Variants in LRRC40 observed in about 807,000 individuals in gnomAD.
The protein encoded by LRRC40 is leucine rich repeat containing 40.
In LRRC40, 76 loss-of-function variants were observed where a neutral mutation model predicts 72.8. That is an observed-to-expected ratio of 1.04 (90% confidence interval 0.87 to 1.26). The LOEUF is 1.26. Ranked by LOEUF, LRRC40 falls within the 50% of genes most tolerant of loss-of-function variation. LRRC40 has a pLI of 0.00. For synonymous variants in LRRC40, 243 were observed against 254.2 expected, an observed-to-expected ratio of 0.96 and a Z score of 0.42; for missense variants, 684 against 698.9, an observed-to-expected ratio of 0.98 and a Z score of 0.24.
At chr1:70,175,748 T>G in intron 7 of LRRC40, 62 bp downstream of exon 7, 1 of 1,224,576 alleles carries the variant, frequency 8.2e-7, no homozygotes, top group Non-Finnish European at 1.1e-6. Context: ...AACAAATATT[T>G]CAAATTATGA....
At chr1:70,179,046 T>C (rs1668182534) in intron 5 of LRRC40, 53 bp from the exon 6 acceptor site, 6 of 1,167,524 alleles carry the variant, frequency 5.1e-6, no homozygotes, top group Non-Finnish European at 7.1e-6. Context: ...AATTAGTTTC[T>C]GATCGTATAC....
At chr1:70,184,044 T>C (rs1420238323) in intron 4 of LRRC40, among the ~76,000 whole-genome samples, 1 of 150,314 alleles carries the variant, frequency 6.7e-6, no homozygotes, top group East Asian at 2.0e-4. Flanking sequence ...AGGTCAGGAG[T>C]TCAAGATCAG....
At chr1:70,147,702 A>T (rs1373508525) in intron 14 of LRRC40, among the ~76,000 whole-genome samples, 1 of 152,190 alleles carries the variant, frequency 6.6e-6, no homozygotes, top group African/African-American at 2.4e-5. Flanking sequence ...ACTTACTAAC[A>T]TGAGGTACTA....
chr1:70,190,676 C>CAAAAAAAAAAAAAAAAAAA (rs1483272385), intron 1 of LRRC40, among the ~76,000 whole-genome samples: 1 of 18,148 alleles, frequency 5.5e-5, no homozygotes, highest in African/African-American at 7.8e-4. Flanking sequence ...GACCCTGTCT[C>CAAAAAAAAAAAAAAAAAAA]TAAAAAAAAA....
chr1:70,155,652 G>T, intron 11 of LRRC40, 37 bp downstream of exon 11: 1 of 910,832 alleles, frequency 1.1e-6, no homozygotes, highest in South Asian at 2.7e-5. Context: ...ACAACAGAAT[G>T]AGTCACAACC....
intron 3 of LRRC40, among the ~76,000 whole-genome samples, chr1:70,186,651 T>C (rs1054469459): frequency 6.6e-6 from 1 of 152,138 alleles, no homozygotes; most frequent in Non-Finnish European, 1.5e-5. Flanking sequence ...CCTCTTTAAA[T>C]CTCCTTTCCC....
intron 11 of LRRC40, among the ~76,000 whole-genome samples, chr1:70,154,201 G>C (rs923544722): frequency 6.6e-6 from 1 of 152,118 alleles, no homozygotes; most frequent in African/African-American, 2.4e-5. Context: ...AAAAGGGAAA[G>C]TGGTTTGGGA....
rs368294951 is a variant in LRRC40 at position 70,197,951 on chromosome 1, G to A, written c.151+7439C>T. Among the ~76,000 whole-genome samples, 35 of 152,014 alleles carry A rather than the reference G, an allele frequency of 2.3e-4. No individual in the cohort carries two copies. The East Asian group carries it at 4.7e-3, about 20-fold the overall frequency. On this transcript the variant is annotated intron_variant, in intron 1 of 14. Coordinates refer to ENST00000370952, the MANE Select transcript of LRRC40 (RefSeq NM_017768.5). ...AAATTTTTGTATTTTTAGTAGAGAC[G>A]AAGTTTTGCCTTGTTGCCCAGACTG...
At chr1:70,165,199 A>G (rs1468369543) in intron 9 of LRRC40, among the ~76,000 whole-genome samples, 2 of 152,256 alleles carry the variant, frequency 1.3e-5, no homozygotes, top group South Asian at 4.1e-4. Context: ...TTTCAGAGTT[A>G]TATTTGTAGG....
intron 2 of LRRC40, among the ~76,000 whole-genome samples, chr1:70,188,079 G>A (rs767358816): frequency 1.3e-5 from 2 of 152,126 alleles, no homozygotes; most frequent in Non-Finnish European, 2.9e-5. Flanking sequence ...CTTTTCTCAT[G>A]TTCTCACAGA....
intron 9 of LRRC40, among the ~76,000 whole-genome samples, chr1:70,170,454 T>A (rs1314461397): frequency 6.6e-6 from 1 of 152,140 alleles, no homozygotes; most frequent in Non-Finnish European, 1.5e-5. Flanking sequence ...CTATCTCTAT[T>A]TGCAAACAAC....
chr1:70,205,527 T>G lies in LRRC40; in HGVS notation c.14A>C (p.Lys5Thr), dbSNP rs773500674. The G allele has an allele frequency of 1.3e-5, 20 of 1,596,590 alleles. No homozygotes were observed. Among genetic ancestry groups the G allele is most frequent in the Non-Finnish European group, 1.7e-5 (20 of 1,166,692 alleles). The part of the protein sequence containing the change: MSRL[K>T]RIAGQDLRAG... ...GCGGAGATCCTGCCCCGCTATCCGC[T>G]TCAGGCGCGACATGTTCAAAGTCCT... Residue 5 changes from lysine (K) to threonine (T), a missense_variant, in exon 1 of 15, where the codon AAG becomes ACG. By Grantham distance (78) the Lys-to-Thr change is moderately conservative. Coordinates refer to ENST00000370952, the MANE Select transcript of LRRC40 (RefSeq NM_017768.5).
intron 1 of LRRC40, among the ~76,000 whole-genome samples, chr1:70,192,752 G>T (rs2100339004): frequency 6.6e-6 from 1 of 152,230 alleles, no homozygotes; most frequent in African/African-American, 2.4e-5. Flanking sequence ...ATAAGTGGGA[G>T]CTAAATGATG....
Position 70,175,859 on chromosome 1 carries a change from G to C in LRRC40, c.928C>G (p.Leu310Val). The C allele has an allele frequency of 6.3e-7, 1 of 1,591,996 alleles. No homozygotes were observed. Among genetic ancestry groups the C allele is most frequent in the East Asian group, 2.3e-5 (1 of 43,088 alleles). ...KLKSVPDEII[L>V]LRSLERLDLS... ...TCAAGCCTTTCCAAGGACCGTAGTAGTATAATTTCATCTGGAACAGATTTT... is the reference window on the plus strand; with the variant it reads ...TCAAGCCTTTCCAAGGACCGTAGTACTATAATTTCATCTGGAACAGATTTT... The change falls in exon 7 of 15, where the codon CTA becomes GTA. Residue 310 changes from leucine (L) to valine (V), a missense_variant. Transcript: ENST00000370952.
At position 70,147,571 on chromosome 1, in the gene LRRC40, C is replaced by A. The variant is rs116291304; in HGVS notation, c.1703+916G>T. Among the ~76,000 whole-genome samples, 4 of 152,174 alleles carry A rather than the reference C, an allele frequency of 2.6e-5. No individual in the cohort carries two copies. The South Asian group carries it at 6.2e-4, about 24-fold the overall frequency. Reference sequence around the variant, plus strand: ...TGTTGTGACTAGACTCTTGCAAGAACCTAACCCCTGTATTTCCCCCAGAAG... The same window carrying A: ...TGTTGTGACTAGACTCTTGCAAGAAACTAACCCCTGTATTTCCCCCAGAAG... On this transcript the variant is annotated intron_variant, in intron 14 of 14. Coordinates refer to ENST00000370952, the MANE Select transcript of LRRC40 (RefSeq NM_017768.5).
intron 9 of LRRC40, among the ~76,000 whole-genome samples, chr1:70,168,736 T>C (rs1404642273): frequency 6.6e-6 from 1 of 152,184 alleles, no homozygotes; most frequent in East Asian, 1.9e-4. Context: ...TCTATAACAG[T>C]ATCAGGCAAA....
Position 70,189,257 on chromosome 1 carries a change from C to T in LRRC40, c.168G>A (p.Trp56Ter). The T allele has an allele frequency of 6.2e-7, 1 of 1,607,782 alleles. No homozygotes were observed. Among genetic ancestry groups the T allele is most frequent in the African/African-American group, 1.4e-5 (1 of 73,810 alleles). ...RNLSEVPQCV[W>*]RINVDIPEEA... Reference sequence around the variant, plus strand: ...CCTCAGGGATATCCACATTTATTCTCCAGACACACTGCGGCACTAGTTCCA... The same window carrying T: ...CCTCAGGGATATCCACATTTATTCTTCAGACACACTGCGGCACTAGTTCCA... The change falls in exon 2 of 15, where the codon TGG becomes TGA. Residue 56 changes from tryptophan to a stop codon, truncating the protein, a stop_gained. Coordinates refer to ENST00000370952, the MANE Select transcript of LRRC40 (RefSeq NM_017768.5). LOFTEE classifies it high-confidence loss of function.
At chr1:70,177,953 A>G (rs950691202) in intron 6 of LRRC40, among the ~76,000 whole-genome samples, 8 of 152,202 alleles carry the variant, frequency 5.3e-5, no homozygotes, top group African/African-American at 1.9e-4. Flanking sequence ...CATTTAATTA[A>G]TAGTAAACAC....
intron 5 of LRRC40, among the ~76,000 whole-genome samples, chr1:70,179,980 G>A (rs1000462542): frequency 6.6e-6 from 1 of 151,778 alleles, no homozygotes; most frequent in Non-Finnish European, 1.5e-5. Context: ...ATCTGCAATT[G>A]AATGCAGGCA....
Sources: allele counts gnomAD v4.1 joint callset (sites outside exome capture counted in the v4.1 genomes callset), GRCh38; gene constraint gnomAD v4.1.1; transcripts MANE v1.5; gene names NCBI Gene and HGNC (gene_info 2026-07-23, HGNC 2026-07-21).